KDM4C: variants seen among roughly 807,000 people sequenced by gnomAD.
KDM4C encodes the protein lysine demethylase 4C.
In KDM4C, 81 loss-of-function variants were observed where a neutral mutation model predicts 129.3. The ratio of observed to expected loss-of-function variants is 0.63; its 90% CI spans 0.52 to 0.75. The LOEUF is 0.75. Ranked by LOEUF, KDM4C falls within the 30% of genes least tolerant of loss-of-function variation. The pLI is 0.00. For missense variants in KDM4C, 1,457 were observed against 1,304.0 expected, an observed-to-expected ratio of 1.12 and a Z score of -1.81; for synonymous variants, 573 against 456.1, an observed-to-expected ratio of 1.26 and a Z score of -3.26.
At chr9:6,746,293 G>A (rs1430854110) in intron 1 of KDM4C, among the ~76,000 whole-genome samples, 3 of 108,636 alleles carry the variant, frequency 2.8e-5, no homozygotes, top group Non-Finnish European at 5.3e-5. Flanking sequence ...TTTGGAGACC[G>A]AGTCTTGCTC....
At chr9:6,727,064 G>A (rs923514405) in intron 1 of KDM4C, 5 of 152,120 alleles carry the variant, frequency 3.3e-5, no homozygotes, top group Non-Finnish European at 7.3e-5. Context: ...AAAGCGTACT[G>A]TACTTCAATA....
intron 17 of KDM4C, among the ~76,000 whole-genome samples, chr9:7,096,603 G>C (rs563009455): frequency 6.6e-6 from 1 of 152,344 alleles, no homozygotes; most frequent in South Asian, 2.1e-4. Context: ...TGGGAGACTA[G>C]AGGAGTATGG....
chr9:7,111,285 G>A (rs1838291407), intron 18 of KDM4C, among the ~76,000 whole-genome samples: 1 of 152,106 alleles, frequency 6.6e-6, no homozygotes, highest in Non-Finnish European at 1.5e-5. Flanking sequence ...AACTTTTTGA[G>A]TACCAACATG....
intron 17 of KDM4C, among the ~76,000 whole-genome samples, chr9:7,053,580 A>G (rs1830499485): frequency 1.3e-5 from 2 of 152,224 alleles, no homozygotes; most frequent in Non-Finnish European, 1.5e-5. Flanking sequence ...CAATGATGAC[A>G]TTAGACTTAT....
chr9:7,061,558 C>A (rs1333404759), intron 17 of KDM4C, among the ~76,000 whole-genome samples: 4 of 151,196 alleles, frequency 2.6e-5, no homozygotes, highest in Non-Finnish European at 5.9e-5. Context: ...GGAAGAGATA[C>A]TGGTCAGGTT....
At chr9:7,118,733 G>A (rs1395675635) in intron 18 of KDM4C, among the ~76,000 whole-genome samples, 1 of 152,148 alleles carries the variant, frequency 6.6e-6, no homozygotes, top group Non-Finnish European at 1.5e-5. Context: ...CCTTGCTGGT[G>A]CTGTGGGTTT....
At chr9:7,124,999 T>C (rs766194169) in intron 18 of KDM4C, among the ~76,000 whole-genome samples, 3 of 152,144 alleles carry the variant, frequency 2.0e-5, no homozygotes, top group Non-Finnish European at 2.9e-5. Context: ...ACCAGCCCCT[T>C]GTCTATGGCC....
At chr9:6,944,878 A>G (rs997053857) in intron 8 of KDM4C, among the ~76,000 whole-genome samples, 2 of 152,150 alleles carry the variant, frequency 1.3e-5, no homozygotes, top group African/African-American at 4.8e-5. Context: ...AGGGGACTGG[A>G]GCAAGCTAAA....
chr9:6,792,356 ATTTATTTTT>A (rs1162269373), intron 1 of KDM4C, among the ~76,000 whole-genome samples: 1 of 101,890 alleles, frequency 9.8e-6, no homozygotes. Flanking sequence ...AAAAATTTTT[ATTTATTTTT>A]TATTTATTTA....
At position 6,849,542 on chromosome 9, in the gene KDM4C, A is replaced by G. The variant is rs1838449005; in HGVS notation, c.471A>G (p.Thr157=). Residue 157 remains threonine, a synonymous_variant, in exon 5 of 22, where the codon ACA becomes ACG. Transcript: ENST00000381309. ...AATGGAACATAGCTCGCCTCAATACAGTCTTGGATGTGGTTGAAGAAGAGT... is the reference window on the plus strand; with the variant it reads ...AATGGAACATAGCTCGCCTCAATACGGTCTTGGATGTGGTTGAAGAAGAGT... ...VDEWNIARLN[T]VLDVVEEECG... is the part of the protein sequence containing the mutation. 2.5e-6 allele frequency: 4 copies of G among 1,609,018 alleles called. No individual in the cohort carries two copies. The highest frequency in any genetic ancestry group is 3.4e-6 in the Non-Finnish European group (4 of 1,176,482).
chr9:7,153,956 G>C (rs1302736210), intron 19 of KDM4C, among the ~76,000 whole-genome samples: 1 of 152,198 alleles, frequency 6.6e-6, no homozygotes, highest in African/African-American at 2.4e-5. Flanking sequence ...TGCTGCTGCT[G>C]CTGCTGTCTG....
In KDM4C at chr9:7,024,401, T is replaced by A. The variant is rs187658539; in HGVS notation, c.2259+8472T>A. Among the ~76,000 whole-genome samples the A allele has an allele frequency of 1.6e-3, 242 of 152,012 alleles. 1 individual carries two copies. In the Middle Eastern group the frequency reaches 0.017, roughly 11 times the overall value. ...CACAATGTGAGGTTTGTTACATATGTATACATGTGCCATGTTGGTGTGCTG... is the reference window on the plus strand; with the variant it reads ...CACAATGTGAGGTTTGTTACATATGAATACATGTGCCATGTTGGTGTGCTG... On this transcript the variant is annotated intron_variant, in intron 15 of 21. Coordinates refer to ENST00000381309, the MANE Select transcript of KDM4C (RefSeq NM_015061.6).
At chr9:6,809,738 C>T (rs1045436602) in intron 3 of KDM4C, among the ~76,000 whole-genome samples, 1 of 152,164 alleles carries the variant, frequency 6.6e-6, no homozygotes, top group Non-Finnish European at 1.5e-5. Context: ...GTGGCTCACA[C>T]TTGTAATCCC....
intron 1 of KDM4C, among the ~76,000 whole-genome samples, chr9:6,784,948 A>C (rs1825155584): frequency 1.3e-5 from 2 of 152,208 alleles, no homozygotes; most frequent in African/African-American, 4.8e-5. Context: ...AGAAGGATGA[A>C]GTTAGATGAA....
intron 5 of KDM4C, among the ~76,000 whole-genome samples, chr9:6,865,955 G>A (rs556676430): frequency 1.1e-4 from 16 of 152,034 alleles, no homozygotes; most frequent in South Asian, 4.2e-4. Flanking sequence ...GGGTTTCCCC[G>A]TGTTAGCCAG....
chr9:7,038,502 G>A (rs9695244), intron 15 of KDM4C, among the ~76,000 whole-genome samples: 54,200 of 151,644 alleles, frequency 0.36, 10,786 homozygotes, highest in Middle Eastern at 0.46. Context: ...TTACCATGTC[G>A]TTTTCATTAC....
At chr9:7,148,446 C>T (rs1456419438) in intron 19 of KDM4C, among the ~76,000 whole-genome samples, 2 of 152,038 alleles carry the variant, frequency 1.3e-5, no homozygotes, top group Non-Finnish European at 2.9e-5. Context: ...TGTGGGGCAG[C>T]TGCCCAGTAG....
chr9:6,773,995 C>T (rs750941931), intron 1 of KDM4C, among the ~76,000 whole-genome samples: 1 of 152,118 alleles, frequency 6.6e-6, no homozygotes, highest in East Asian at 1.9e-4. Flanking sequence ...TCAAGCAATT[C>T]TCCTTTCTCA....
intron 5 of KDM4C, among the ~76,000 whole-genome samples, chr9:6,854,556 A>C (rs969943650): frequency 4.0e-5 from 6 of 150,680 alleles, no homozygotes; most frequent in Non-Finnish European, 7.4e-5. Flanking sequence ...CAAAAAAAAA[A>C]CTAACTTTCA....
Sources: gnomAD v4.1 joint callset for allele counts (sites outside exome capture counted in the v4.1 genomes callset) on GRCh38, gnomAD v4.1.1 for gene constraint, MANE v1.5 for transcripts, NCBI Gene and HGNC (gene_info 2026-07-23, HGNC 2026-07-21) for gene names.